Variants in SLC35F4 observed in about 807,000 individuals in gnomAD.
SLC35F4 encodes solute carrier family 35 member F4.
Under a neutral mutation model 44.2 loss-of-function variants are expected in SLC35F4, and 24 were observed. The observed-to-expected ratio is 0.54, with a 90% CI of 0.39 to 0.76. The LOEUF is 0.76. Among genes scored for constraint, SLC35F4 ranks in the 30% least tolerant of loss-of-function variants. The probability of loss-of-function intolerance (pLI) is 0.00; values close to 1 mark genes in which losing one functional copy is unlikely to be tolerated. For missense variants in SLC35F4, 562 were observed against 586.1 expected (o/e 0.96, Z 0.42); for synonymous variants, 238 against 223.6 (o/e 1.06, Z -0.57).
rs1220539342 is a variant in SLC35F4 at position 57,876,996 on chromosome 14, T to C, written n.282+104917A>G. On this transcript the variant is annotated intron_variant and non_coding_transcript_variant, in intron 1 of 1. Transcript: ENST00000556568. ...CCCAAGGACAGGTGACCCATCTTTTTTTTTTCTTCTTTCCAACTTGTATTT... is the reference window on the plus strand; with the variant it reads ...CCCAAGGACAGGTGACCCATCTTTTCTTTTTCTTCTTTCCAACTTGTATTT... Among the ~76,000 whole-genome samples, 3 of 152,278 alleles carry C rather than the reference T, an allele frequency of 2.0e-5. No individual in the cohort carries two copies. In the East Asian group the frequency reaches 5.8e-4, roughly 29 times the overall value.
chr14:57,599,970 C>G (rs2070719676), intron 1 of SLC35F4, among the ~76,000 whole-genome samples: 1 of 152,050 alleles, frequency 6.6e-6, no homozygotes, highest in Admixed American at 6.5e-5. Context: ...AAGCCAAAGC[C>G]AGGAGATAAG....
chr14:57,784,862 A>T (rs1446940130), intron 1 of SLC35F4, among the ~76,000 whole-genome samples: 1 of 152,162 alleles, frequency 6.6e-6, no homozygotes, highest in Non-Finnish European at 1.5e-5. Context: ...CCTGCTCAAC[A>T]TGAAGATGAT....
At chr14:57,664,659 C>T (rs1421335018) in intron 1 of SLC35F4, among the ~76,000 whole-genome samples, 4 of 152,158 alleles carry the variant, frequency 2.6e-5, no homozygotes, top group Non-Finnish European at 5.9e-5. Context: ...AATCCACTTG[C>T]CTCGGCCTCC....
intron 1 of SLC35F4, among the ~76,000 whole-genome samples, chr14:57,903,861 A>C (rs1312144709): frequency 6.6e-6 from 1 of 152,208 alleles, no homozygotes; most frequent in East Asian, 1.9e-4. Context: ...CCTTCTTATG[A>C]CCCAACAATA....
chr14:57,807,623 T>A (rs1881482772), intron 1 of SLC35F4, among the ~76,000 whole-genome samples: 1 of 151,918 alleles, frequency 6.6e-6, no homozygotes, highest in Non-Finnish European at 1.5e-5. Flanking sequence ...TACTGACTGA[T>A]TTATAAGGAA....
At chr14:57,671,649 A>G (rs2074526922) in intron 1 of SLC35F4, among the ~76,000 whole-genome samples, 1 of 151,988 alleles carries the variant, frequency 6.6e-6, no homozygotes, top group Admixed American at 6.6e-5. Context: ...GAGACTCAGT[A>G]CATAACCAGC....
intron 1 of SLC35F4, among the ~76,000 whole-genome samples, chr14:57,711,711 C>A (rs2075822198): frequency 6.6e-6 from 1 of 152,178 alleles, no homozygotes; most frequent in Non-Finnish European, 1.5e-5. Flanking sequence ...CACATGTACA[C>A]ACATATACCA....
Position 57,886,758 on chromosome 14 carries a change from A to G in SLC35F4, n.282+95155T>C, listed in dbSNP as rs1888657406. 3.4e-5 allele frequency among the ~76,000 whole-genome samples: 5 copies of G among 146,556 alleles called. No homozygotes were observed. The South Asian group carries it at 1.1e-3, about 32-fold the overall frequency. ...GAGCTCTTTAGTAAGCTTTTGGCCG[A>G]AAAAAAAAAATGGGTCAATGAACTA... On this transcript the variant is annotated intron_variant and non_coding_transcript_variant, in intron 1 of 1. Coordinates refer to the SLC35F4 transcript ENST00000556568.
At chr14:57,570,173 G>T (rs2068426241) in intron 5 of SLC35F4, among the ~76,000 whole-genome samples, 193 bp from the exon 6 acceptor site, 1 of 152,174 alleles carries the variant, frequency 6.6e-6, no homozygotes, top group Non-Finnish European at 1.5e-5. Flanking sequence ...ATATGAAATA[G>T]CAAATGTCAT....
At chr14:57,845,865 C>T (rs1456286368) in intron 1 of SLC35F4, among the ~76,000 whole-genome samples, 2 of 152,124 alleles carry the variant, frequency 1.3e-5, no homozygotes, top group African/African-American at 4.8e-5. Flanking sequence ...AGGGCATATC[C>T]CCTTCTCTTC....
intron 1 of SLC35F4, among the ~76,000 whole-genome samples, chr14:57,699,098 A>G (rs2075463287): frequency 6.6e-6 from 1 of 152,190 alleles, no homozygotes; most frequent in Non-Finnish European, 1.5e-5. Context: ...TGCCTTCTGT[A>G]GGAATAGACC....
rs749578819 is a variant in SLC35F4, at chr14:57,765,623, C to A, written c.103+100100G>T. 3.3e-5 allele frequency among the ~76,000 whole-genome samples: 5 copies of A among 152,286 alleles called. 1 individual carries two copies. The highest frequency in any genetic ancestry group is 1.2e-4 in the African/African-American group (5 of 41,572). On this transcript the variant is annotated intron_variant, in intron 1 of 7. Transcript: ENST00000556826. ...TTAAAAATTGTATTCATTCAAATTA[C>A]ATTTAAAAATAATTACTGGGTCAGA... is the stretch of plus-strand genomic sequence containing the variant.
intron 1 of SLC35F4, among the ~76,000 whole-genome samples, chr14:57,663,277 G>A (rs1369676453): frequency 6.6e-6 from 1 of 152,134 alleles, no homozygotes; most frequent in East Asian, 1.9e-4. Context: ...ACATATAGTA[G>A]AACAGTGGTC....
At chr14:57,754,254 C>T (rs954840029) in intron 1 of SLC35F4, among the ~76,000 whole-genome samples, 1 of 151,962 alleles carries the variant, frequency 6.6e-6, no homozygotes, top group Admixed American at 6.6e-5. Context: ...ACACACATGC[C>T]ACCAGGCCTA....
intron 1 of SLC35F4, among the ~76,000 whole-genome samples, chr14:57,926,735 G>C (rs200799161): frequency 0.021 from 2,949 of 141,176 alleles, 222 homozygotes; most frequent in Admixed American, 0.13. Flanking sequence ...TGGGGGGGGG[G>C]GGTGGATATA....
intron 1 of SLC35F4, among the ~76,000 whole-genome samples, chr14:57,717,763 C>T (rs1354171785): frequency 6.6e-6 from 1 of 151,958 alleles, no homozygotes; most frequent in Non-Finnish European, 1.5e-5. Context: ...TTATGGAGTA[C>T]ACGAGATATT....
chr14:57,924,480 G>T (rs530465362), intron 1 of SLC35F4, among the ~76,000 whole-genome samples: 1 of 150,760 alleles, frequency 6.6e-6, no homozygotes, highest in South Asian at 2.1e-4. Context: ...ACGGAGACTC[G>T]CTCTGTCACC....
chr14:57,718,855 A>G (rs1272524777), intron 1 of SLC35F4, among the ~76,000 whole-genome samples: 1 of 151,994 alleles, frequency 6.6e-6, no homozygotes, highest in Non-Finnish European at 1.5e-5. Flanking sequence ...GTGTGATCCC[A>G]TTTGTCTATT....
chr14:57,566,720 T>G (rs2068226515), intron 6 of SLC35F4, among the ~76,000 whole-genome samples, 156 bp from the exon 7 acceptor site: 1 of 152,280 alleles, frequency 6.6e-6, no homozygotes, highest in African/African-American at 2.4e-5. Context: ...ATGTGTATTC[T>G]ACCTGAATTA....
Sources: allele counts gnomAD v4.1 joint callset (sites outside exome capture counted in the v4.1 genomes callset), GRCh38; gene constraint gnomAD v4.1.1; transcripts MANE v1.5; gene names NCBI Gene and HGNC (gene_info 2026-07-23, HGNC 2026-07-21).